SAMD3: variants seen among roughly 807,000 people sequenced by gnomAD.
SAMD3 encodes the protein sterile alpha motif domain-containing protein 3.
Under a neutral mutation model 58.5 loss-of-function variants are expected in SAMD3, and 63 were observed. That is an observed-to-expected ratio of 1.08 (90% CI 0.88 to 1.33). SAMD3 has a LOEUF of 1.33. SAMD3 is among the 40% of genes most tolerant of loss of function. The pLI is 0.00. For synonymous variants in SAMD3, 220 were observed against 210.3 expected (o/e 1.05, Z -0.40); for missense variants, 604 against 608.4 (o/e 0.99, Z 0.08).
chr6:130,320,274 A>AT (rs1315972114), intron 1 of SAMD3, among the ~76,000 whole-genome samples: 3 of 152,244 alleles, frequency 2.0e-5, no homozygotes, highest in Non-Finnish European at 4.4e-5. Flanking sequence ...AAGAAGATAA[A>AT]TGAATAGCAA....
intron 2 of SAMD3, among the ~76,000 whole-genome samples, chr6:130,267,128 C>G (rs550497085): frequency 1.3e-5 from 2 of 152,106 alleles, no homozygotes; most frequent in Non-Finnish European, 2.9e-5. Flanking sequence ...TAATTGCTGT[C>G]TACACATAGA....
Position 130,295,029 on chromosome 6 carries a change from T to A in SAMD3, c.-188+17949A>T, listed in dbSNP as rs184652173. ...ACCTCTGCCTTCAGGGTTCAAGCAA[T>A]TCTCCCGCCTCAGCCTCCCAAGTAG... is the stretch of plus-strand genomic sequence containing the variant. On this transcript the variant is annotated intron_variant, in intron 2 of 13. Coordinates refer to the SAMD3 transcript ENST00000368134. 3.1e-3 allele frequency among the ~76,000 whole-genome samples: 446 copies of A among 145,350 alleles called. 4 individuals carry two copies. Among genetic ancestry groups the A allele is most frequent in the East Asian group, 5.8e-3 (27 of 4,632 alleles).
At chr6:130,346,780 C>T (rs1583137866) in intron 1 of SAMD3, among the ~76,000 whole-genome samples, 1 of 152,212 alleles carries the variant, frequency 6.6e-6, no homozygotes, top group Admixed American at 6.5e-5. Flanking sequence ...CAGACTGTCT[C>T]CTCAAGTGGG....
intron 4 of SAMD3, among the ~76,000 whole-genome samples, chr6:130,211,640 T>A (rs1410996921): frequency 6.6e-6 from 1 of 152,056 alleles, no homozygotes; most frequent in Admixed American, 6.6e-5. Flanking sequence ...CTTTGAGTTG[T>A]CCTGCCCTTC....
chr6:130,144,831 A>G (rs1297774160), intron 11 of SAMD3, 27 bp from the exon 12 acceptor site: 2 of 1,585,110 alleles, frequency 1.3e-6, no homozygotes, highest in East Asian at 4.5e-5. Context: ...AGTCATTACC[A>G]TGATACGTAA....
chr6:130,356,675 T>C (rs1421878720), intron 1 of SAMD3, among the ~76,000 whole-genome samples: 1 of 152,244 alleles, frequency 6.6e-6, no homozygotes, highest in East Asian at 1.9e-4. Context: ...GATATTCCTG[T>C]AGACGGTACC....
At chr6:130,201,163 G>A (rs774776968) in intron 5 of SAMD3, among the ~76,000 whole-genome samples, 1 of 152,000 alleles carries the variant, frequency 6.6e-6, no homozygotes, top group Non-Finnish European at 1.5e-5. Context: ...GTGTTTTGAT[G>A]GGTCTTCCTC....
chr6:130,291,673 T>C (rs1775366291), intron 2 of SAMD3, among the ~76,000 whole-genome samples: 1 of 152,284 alleles, frequency 6.6e-6, no homozygotes, highest in South Asian at 2.1e-4. Flanking sequence ...GTAATGTTAT[T>C]TGCTAATAAT....
upstream of SAMD3, among the ~76,000 whole-genome samples, chr6:130,227,530 G>A (rs759323127): frequency 6.6e-6 from 1 of 152,166 alleles, no homozygotes. Context: ...GCTCATGCCT[G>A]TAATCCCAGA....
chr6:130,365,661 C>T (rs1778117417), upstream of SAMD3: 1 of 985,452 alleles, frequency 1.0e-6, no homozygotes, highest in Non-Finnish European at 1.2e-6. Flanking sequence ...GCGGGCCCCA[C>T]GGGTGGGTGT....
At chr6:130,250,480 G>T (rs928222264) in intron 2 of SAMD3, among the ~76,000 whole-genome samples, 2 of 152,132 alleles carry the variant, frequency 1.3e-5, no homozygotes, top group South Asian at 4.2e-4. Flanking sequence ...ACAGTATATT[G>T]ATTTTTAGTA....
chr6:130,319,445 A>G (rs1776507421), intron 1 of SAMD3, among the ~76,000 whole-genome samples: 1 of 149,686 alleles, frequency 6.7e-6, no homozygotes, highest in Non-Finnish European at 1.5e-5. Context: ...AGGAGAGCAG[A>G]GTTCTTGATG....
intron 8 of SAMD3, among the ~76,000 whole-genome samples, chr6:130,172,773 TCTC>T (rs1249588688): frequency 6.6e-6 from 1 of 152,180 alleles, no homozygotes; most frequent in East Asian, 1.9e-4. Flanking sequence ...TTGGGGAAGT[TCTC>T]CTGGATAATA....
chr6:130,228,222 G>A lies in SAMD3; in HGVS notation c.-187-5409C>T, dbSNP rs528022969. Among the ~76,000 whole-genome samples, 25 of 152,352 alleles carry A rather than the reference G, an allele frequency of 1.6e-4. No individual in the cohort carries two copies. The South Asian group carries it at 4.1e-3, about 25-fold the overall frequency. ...TTCACAACTCCAGCATCTCAGCACA[G>A]TGGTGACCTCCAGTCTGTTGACAGG... On this transcript the variant is annotated intron_variant, in intron 2 of 13. Coordinates refer to the SAMD3 transcript ENST00000368134.
At chr6:130,170,487 A>G (rs1190412495) in intron 8 of SAMD3, among the ~76,000 whole-genome samples, 1 of 152,124 alleles carries the variant, frequency 6.6e-6, no homozygotes, top group Non-Finnish European at 1.5e-5. Flanking sequence ...TGCGATTGTA[A>G]ATACTGGTAG....
chr6:130,168,997 G>C (rs1364908282), intron 8 of SAMD3, among the ~76,000 whole-genome samples: 1 of 151,822 alleles, frequency 6.6e-6, no homozygotes, highest in Non-Finnish European at 1.5e-5. Context: ...GTAAAGAGGG[G>C]GTCTCACTAT....
At chr6:130,269,927 T>C (rs6936096) in intron 2 of SAMD3, among the ~76,000 whole-genome samples, 47,119 of 151,672 alleles carry the variant, frequency 0.31, 7,695 homozygotes, top group East Asian at 0.47. Context: ...TTTTGATCCA[T>C]GGACTATTTG....
At chr6:130,154,235 CTT>C (rs5880003) in intron 9 of SAMD3, among the ~76,000 whole-genome samples, 416 of 127,434 alleles carry the variant, frequency 3.3e-3, no homozygotes, top group Middle Eastern at 7.8e-3. Context: ...TACTGAAATT[CTT>C]TTTTTTTTTT....
chr6:130,233,310 G>C (rs1050770360), intron 2 of SAMD3, among the ~76,000 whole-genome samples: 1 of 152,206 alleles, frequency 6.6e-6, no homozygotes, highest in Non-Finnish European at 1.5e-5. Context: ...GTGCAGGTCT[G>C]TTAAATAGGT....
Sources: allele counts gnomAD v4.1 joint callset (sites outside exome capture counted in the v4.1 genomes callset), GRCh38; gene constraint gnomAD v4.1.1; transcripts MANE v1.5; gene names NCBI Gene and HGNC (gene_info 2026-07-23, HGNC 2026-07-21).